Variants in DMXL2 observed in about 807,000 individuals in gnomAD.
DMXL2 encodes Dmx like 2.
In DMXL2, 103 loss-of-function variants were observed where a neutral mutation model predicts 331.1. The observed-to-expected ratio is 0.31, with a 90% confidence interval of 0.27 to 0.37. The LOEUF is 0.37. Among genes scored for constraint, DMXL2 ranks in the 10% least tolerant of loss-of-function variants. The pLI is 1.00. For synonymous variants in DMXL2, 1,281 were observed against 1,252.1 expected, an observed-to-expected ratio of 1.02 and a Z score of -0.49; for missense variants, 3,171 against 3,642.9, an observed-to-expected ratio of 0.87 and a Z score of 3.33.
chr15:51,482,731 C>T (rs1466855334), intron 23 of DMXL2, among the ~76,000 whole-genome samples: 2 of 152,158 alleles, frequency 1.3e-5, no homozygotes, highest in Non-Finnish European at 2.9e-5. Context: ...CAGAAGAATT[C>T]AGAAACCTGA....
chr15:51,564,321 T>A, intron 4 of DMXL2, 61 bp from the exon 5 acceptor site: 1 of 1,317,976 alleles, frequency 7.6e-7, no homozygotes, highest in Non-Finnish European at 1.0e-6. Context: ...TAAATGCACA[T>A]GGGCTTCTGT....
rs778989863 is a variant in DMXL2 at position 51,450,110 on chromosome 15, A to C, written c.8967+19T>G. The C allele has an allele frequency of 6.2e-7, 1 of 1,608,908 alleles. No homozygotes were observed. Among genetic ancestry groups the C allele is most frequent in the Non-Finnish European group, 8.5e-7 (1 of 1,176,088 alleles). On this transcript the variant is annotated intron_variant, in intron 43 of 43. Coordinates refer to ENST00000560891, the MANE Select transcript of DMXL2 (RefSeq NM_001378457.1). Reference sequence around the variant, plus strand: ...TCCAATCAGTCTTTAGCACATTCCAACCTCTTGTACTGACTCACCTTTATG... The same window carrying C: ...TCCAATCAGTCTTTAGCACATTCCACCCTCTTGTACTGACTCACCTTTATG...
intron 19 of DMXL2, among the ~76,000 whole-genome samples, chr15:51,492,357 G>A (rs1198923532): frequency 2.6e-5 from 4 of 152,192 alleles, no homozygotes; most frequent in East Asian, 3.8e-4. Context: ...TCTAAACTTC[G>A]TAAGAGTTCC....
At chr15:51,458,054 G>T (rs2039793147) in intron 36 of DMXL2, 1 of 156,216 alleles carries the variant, frequency 6.4e-6, no homozygotes. Context: ...CTCAAAATAG[G>T]TAAGAATGGC....
chr15:51,552,665 G>A (rs1474161273), intron 6 of DMXL2, among the ~76,000 whole-genome samples: 2 of 152,044 alleles, frequency 1.3e-5, no homozygotes, highest in Non-Finnish European at 2.9e-5. Context: ...AGCATCCTTT[G>A]TAGGTATCTC....
chr15:51,511,469 G>A (rs915929981), intron 15 of DMXL2, among the ~76,000 whole-genome samples: 2 of 152,182 alleles, frequency 1.3e-5, no homozygotes, highest in African/African-American at 4.8e-5. Flanking sequence ...TTAGAGAAAC[G>A]CAAATCAAAA....
intron 2 of DMXL2, among the ~76,000 whole-genome samples, chr15:51,571,956 T>C (rs1379923550): frequency 6.6e-6 from 1 of 151,836 alleles, no homozygotes; most frequent in Non-Finnish European, 1.5e-5. Flanking sequence ...CTGAAGGAGA[T>C]GGAAACATGA....
At chr15:51,554,790 T>C (rs2049446414) in intron 6 of DMXL2, among the ~76,000 whole-genome samples, 1 of 152,134 alleles carries the variant, frequency 6.6e-6, no homozygotes, top group Non-Finnish European at 1.5e-5. Context: ...ACTTGGTCTT[T>C]TGGTAAATGA....
At chr15:51,562,021 G>C (rs2050004785) in intron 6 of DMXL2, among the ~76,000 whole-genome samples, 1 of 152,190 alleles carries the variant, frequency 6.6e-6, no homozygotes, top group Non-Finnish European at 1.5e-5. Flanking sequence ...CAAATACACA[G>C]TTAGATAGAT....
chr15:51,591,427 C>T (rs1037629384), intron 1 of DMXL2, among the ~76,000 whole-genome samples: 18 of 152,142 alleles, frequency 1.2e-4, no homozygotes, highest in Middle Eastern at 3.2e-3. Context: ...GTAAACAAAG[C>T]GGTGGGAAGC....
At position 51,467,917 on chromosome 15, in the gene DMXL2, G is replaced by A. The variant is rs538391482; in HGVS notation, c.7393-1606C>T. 1.2e-3 allele frequency among the ~76,000 whole-genome samples: 176 copies of A among 152,138 alleles called. 1 individual carries two copies. The highest frequency in any genetic ancestry group is 2.1e-3 in the South Asian group (10 of 4,818). ...AATTTTTTGTATTTTTAGTAGAGACGGGGTTTCACCGTGTTAGCCAGGATG... is the reference window on the plus strand; with the variant it reads ...AATTTTTTGTATTTTTAGTAGAGACAGGGTTTCACCGTGTTAGCCAGGATG... On this transcript the variant is annotated intron_variant, in intron 29 of 43. Transcript: ENST00000560891.
intron 7 of DMXL2, 72 bp downstream of exon 7, chr15:51,547,158 A>C (rs1395769568): frequency 7.5e-7 from 1 of 1,332,138 alleles, no homozygotes; most frequent in East Asian, 2.6e-5. Flanking sequence ...TGTAAATAAA[A>C]GGACTTTATT....
chr15:51,539,059 A>G (rs1596176343), intron 9 of DMXL2, among the ~76,000 whole-genome samples: 1 of 152,096 alleles, frequency 6.6e-6, no homozygotes, highest in East Asian at 1.9e-4. Context: ...AAATACAAAA[A>G]ATTAGCCCAG....
chr15:51,537,875 A>AG (rs2048370913), intron 10 of DMXL2, 116 bp from the exon 11 acceptor site: 1 of 1,240,642 alleles, frequency 8.1e-7, no homozygotes, highest in African/African-American at 1.5e-5. Context: ...ATTTACAGTC[A>AG]GAAAAAAAAA....
Position 51,499,209 on chromosome 15 carries a change from C to T in DMXL2, c.4015G>A (p.Val1339Ile), listed in dbSNP as rs1262143694. The T allele has an allele frequency of 1.2e-6, 2 of 1,613,936 alleles. No individual in the cohort carries two copies. Among genetic ancestry groups the T allele is most frequent in the African/African-American group, 1.3e-5 (1 of 74,938 alleles). Residue 1339 changes from valine to isoleucine, a missense_variant, in exon 18 of 44, where the codon GTA (valine) becomes ATA (isoleucine). By Grantham distance (29) the Val-to-Ile change is conservative. Around this residue, in one of 7 missense-constraint regions of DMXL2, gnomAD observed 1,674 missense variants for 1,780.2 expected, o/e 0.94. Transcript: ENST00000560891. ...QDGGLFEAAHVLSPTLPQYHP... is the reference protein window; with the variant it reads ...QDGGLFEAAHILSPTLPQYHP... ...TATTGTGGAAGAGTAGGGGAAAGTA[C>T]ATGTGCAGCCTCAAATAAGCCACCA...
chr15:51,451,224 T>C (rs1452870725), intron 42 of DMXL2, among the ~76,000 whole-genome samples: 1 of 152,150 alleles, frequency 6.6e-6, no homozygotes, highest in Non-Finnish European at 1.5e-5. Flanking sequence ...CCCTAGGAGC[T>C]TGAGACCTGC....
intron 6 of DMXL2, among the ~76,000 whole-genome samples, chr15:51,549,059 G>A (rs191320880): frequency 7.8e-4 from 118 of 151,966 alleles, no homozygotes; most frequent in East Asian, 1.2e-3. Flanking sequence ...TGCACCCATC[G>A]CCCAAGCAGT....
At chr15:51,587,986 C>G (rs989608471) in intron 1 of DMXL2, among the ~76,000 whole-genome samples, 2 of 152,126 alleles carry the variant, frequency 1.3e-5, no homozygotes, top group African/African-American at 4.8e-5. Context: ...AGTGTCTGTT[C>G]ATATCCTTTG....
At position 51,572,707 on chromosome 15, in the gene DMXL2, C is replaced by T. The variant is rs1029594564; in HGVS notation, c.213+3349G>A. Among the ~76,000 whole-genome samples, 6 of 152,240 alleles carry T rather than the reference C, an allele frequency of 3.9e-5. No homozygotes were observed. In the South Asian group the frequency reaches 6.2e-4, roughly 16 times the overall value. On this transcript the variant is annotated intron_variant, in intron 2 of 43. Coordinates refer to ENST00000560891, the MANE Select transcript of DMXL2 (RefSeq NM_001378457.1). Reference sequence around the variant, plus strand: ...AACCACATGATTATCTCAATAGATGCAGAAAAGGCCTTTGACAAAATTCAA... The same window carrying T: ...AACCACATGATTATCTCAATAGATGTAGAAAAGGCCTTTGACAAAATTCAA...
Sources: gnomAD v4.1 joint callset for allele counts (sites outside exome capture counted in the v4.1 genomes callset) on GRCh38, gnomAD v4.1.1 for gene constraint, gnomAD v4.1.1 regional missense constraint, MANE v1.5 for transcripts, NCBI Gene and HGNC (gene_info 2026-07-23, HGNC 2026-07-21) for gene names.